Variants in EVA1A observed in about 807,000 individuals in gnomAD.
EVA1A encodes eva-1 homolog A, regulator of programmed cell death, also known as protein eva-1 homolog A.
A neutral mutation model predicts 9.8 loss-of-function variants in EVA1A; 7 were observed. The ratio of observed to expected loss-of-function variants is 0.71; its 90% CI spans 0.41 to 1.34. The LOEUF (loss-of-function observed/expected upper bound fraction) is 1.34, where lower values mean the gene tolerates loss of function less well. Ranked by LOEUF, EVA1A falls within the 40% of genes most tolerant of loss-of-function variation. EVA1A has a pLI of 0.01. For synonymous variants in EVA1A, 90 were observed against 85.6 expected (o/e 1.05, Z -0.28); for missense variants, 206 against 205.9 (o/e 1.00, Z 0.00).
chr2:75,556,661 G>A (rs1199985065), intron 1 of EVA1A, among the ~76,000 whole-genome samples: 2 of 152,128 alleles, frequency 1.3e-5, no homozygotes, highest in African/African-American at 2.4e-5. Context: ...ATAGGGCAGC[G>A]GTTCCCAACC....
At chr2:75,512,091 GA>G (rs891690154) in intron 3 of EVA1A, among the ~76,000 whole-genome samples, 14 of 147,336 alleles carry the variant, frequency 9.5e-5, no homozygotes, top group Admixed American at 5.4e-4. Context: ...TGACTTTTGA[GA>G]AAAAAAAAAC....
intron 3 of EVA1A, among the ~76,000 whole-genome samples, chr2:75,504,174 AGGTCGAGGT>A (rs1214352607): frequency 3.3e-5 from 5 of 152,194 alleles, no homozygotes; most frequent in South Asian, 2.1e-4. Context: ...GCACTTTGGG[AGGTCGAGGT>A]GGGCAGATCA....
intron 3 of EVA1A, among the ~76,000 whole-genome samples, chr2:75,501,998 G>A (rs1334430212): frequency 3.9e-5 from 6 of 152,178 alleles, no homozygotes; most frequent in African/African-American, 1.4e-4. Flanking sequence ...GAGAAAATCT[G>A]TCTGGATCCC....
At chr2:75,542,750 T>C (rs1239251947) in intron 1 of EVA1A, 1 of 152,198 alleles carries the variant, frequency 6.6e-6, no homozygotes. Context: ...ATAAGGCCCT[T>C]ACAGATTCAC....
chr2:75,530,673 G>A (rs1675614950), intron 1 of EVA1A, among the ~76,000 whole-genome samples: 1 of 152,226 alleles, frequency 6.6e-6, no homozygotes, highest in Non-Finnish European at 1.5e-5. Context: ...CTCAATAGAT[G>A]CAGAAAAAAA....
At chr2:75,551,181 T>C (rs1336719544) in intron 1 of EVA1A, among the ~76,000 whole-genome samples, 1 of 152,172 alleles carries the variant, frequency 6.6e-6, no homozygotes, top group Non-Finnish European at 1.5e-5. Context: ...TTTCCATCTT[T>C]AAAACACTGT....
At chr2:75,498,017 C>T (rs1674276049) in intron 3 of EVA1A, among the ~76,000 whole-genome samples, 1 of 151,986 alleles carries the variant, frequency 6.6e-6, no homozygotes. Flanking sequence ...AAAAAGATAC[C>T]TGTACTTGTA....
rs1404864482 is a variant in EVA1A, at chr2:75,518,156, G to C, written c.-16C>G. 6.2e-7 allele frequency: 1 copy of C among 1,612,716 alleles called. No individual in the cohort carries two copies. The highest frequency in any genetic ancestry group is 8.5e-7 in the Non-Finnish European group (1 of 1,179,484). On this transcript the variant is annotated 5_prime_UTR_variant, in exon 3 of 4. Coordinates refer to ENST00000393913, the MANE Select transcript of EVA1A (RefSeq NM_001135032.2). ...GCAGCCTCATGGGACATCCAGAGGG[G>C]ACCTCCTGGAGGTGCTTGGCTGAAT...
At chr2:75,562,255 C>A (rs1271125870), upstream of EVA1A, among the ~76,000 whole-genome samples, 1 of 152,082 alleles carries the variant, frequency 6.6e-6, no homozygotes, top group Non-Finnish European at 1.5e-5. Context: ...ACCTGGGGAG[C>A]TTTAAAAACC....
chr2:75,517,859 C>A (rs756897136), intron 3 of EVA1A, 197 bp downstream of exon 3: 1 of 750,572 alleles, frequency 1.3e-6, no homozygotes, highest in Non-Finnish European at 2.4e-6. Context: ...TAGAACCCTT[C>A]ATTTTTCAAA....
At chr2:75,567,197 T>C (rs1179552341) in intron 1 of EVA1A, among the ~76,000 whole-genome samples, 1 of 152,242 alleles carries the variant, frequency 6.6e-6, no homozygotes, top group African/African-American at 2.4e-5. Context: ...GAAAATACCA[T>C]TGACTCTCAT....
upstream of EVA1A, chr2:75,561,452 G>T (rs1172283531): frequency 6.6e-6 from 1 of 150,584 alleles, no homozygotes; most frequent in Admixed American, 6.6e-5. Context: ...TTTATCGGAA[G>T]AAATGCAGCT....
chr2:75,495,817 T>C (rs978155696), intron 3 of EVA1A, among the ~76,000 whole-genome samples: 3 of 152,224 alleles, frequency 2.0e-5, no homozygotes, highest in Admixed American at 6.5e-5. Context: ...TAAAATTTCA[T>C]GAAATCCATT....
chr2:75,515,962 C>T (rs1023768174), intron 3 of EVA1A, among the ~76,000 whole-genome samples: 1 of 152,156 alleles, frequency 6.6e-6, no homozygotes, highest in African/African-American at 2.4e-5. Context: ...TCAGAAGCTA[C>T]ACAAAAGAAT....
chr2:75,518,232 G>A, intron 2 of EVA1A, 24 bp from the exon 3 acceptor site: 1 of 1,545,122 alleles, frequency 6.5e-7, no homozygotes, highest in East Asian at 2.3e-5. Context: ...TAAAGTGAGT[G>A]ATAAGAAACA....
intron 3 of EVA1A, among the ~76,000 whole-genome samples, chr2:75,497,298 T>A (rs1674244947): frequency 6.6e-6 from 1 of 151,958 alleles, no homozygotes; most frequent in South Asian, 2.1e-4. Flanking sequence ...TCTGACAAAG[T>A]CCTAATATCT....
chr2:75,499,803 C>T (rs1233072530), intron 3 of EVA1A, among the ~76,000 whole-genome samples: 2 of 152,146 alleles, frequency 1.3e-5, no homozygotes, highest in African/African-American at 4.8e-5. Context: ...ACTGACTATG[C>T]CTAAGTCCCT....
intron 1 of EVA1A, among the ~76,000 whole-genome samples, chr2:75,556,721 G>C (rs1291138652): frequency 1.3e-5 from 2 of 152,122 alleles, no homozygotes; most frequent in Admixed American, 6.5e-5. Context: ...TCCACGGATA[G>C]GGGGAGATGG....
intron 1 of EVA1A, among the ~76,000 whole-genome samples, chr2:75,528,162 C>T (rs1675518141): frequency 6.6e-6 from 1 of 152,178 alleles, no homozygotes; most frequent in Non-Finnish European, 1.5e-5. Flanking sequence ...GGATGGCAGC[C>T]AGTGGAATTG....
Sources: allele counts gnomAD v4.1 joint callset (sites outside exome capture counted in the v4.1 genomes callset), GRCh38; gene constraint gnomAD v4.1.1; transcripts MANE v1.5; gene names NCBI Gene and HGNC (gene_info 2026-07-23, HGNC 2026-07-21).